Variants in AKAP6 observed in about 807,000 individuals in gnomAD.
AKAP6 encodes A-kinase anchor protein 6.
AKAP6 carries 58 observed loss-of-function variants against 188.5 expected under a neutral mutation model. The observed-to-expected ratio is 0.31, with a 90% CI of 0.25 to 0.38. The LOEUF (loss-of-function observed/expected upper bound fraction) is 0.38, where lower values mean the gene tolerates loss of function less well. Among genes scored for constraint, AKAP6 ranks in the 10% least tolerant of loss-of-function variants. The pLI, the probability that AKAP6 is intolerant of heterozygous loss-of-function variation, is 1.00. For synonymous variants in AKAP6, 989 were observed against 998.6 expected, an observed-to-expected ratio of 0.99 and a Z score of 0.18; for missense variants, 2,710 against 2,740.0, an observed-to-expected ratio of 0.99 and a Z score of 0.24.
chr14:32,498,589 T>C (rs932711468), intron 2 of AKAP6, among the ~76,000 whole-genome samples: 1 of 152,156 alleles, frequency 6.6e-6, no homozygotes, highest in Non-Finnish European at 1.5e-5. Context: ...TGTTCATTAA[T>C]CCACCAGTTT....
intron 1 of AKAP6, among the ~76,000 whole-genome samples, chr14:32,334,124 C>T (rs1291715827): frequency 6.6e-6 from 1 of 152,128 alleles, no homozygotes; most frequent in Non-Finnish European, 1.5e-5. Flanking sequence ...AATAGCAATC[C>T]ATATAGGACT....
At chr14:32,610,255 C>T (rs1886299815) in intron 7 of AKAP6, among the ~76,000 whole-genome samples, 2 of 152,254 alleles carry the variant, frequency 1.3e-5, no homozygotes, top group East Asian at 3.9e-4. Flanking sequence ...AAAGGACAAA[C>T]TTCTTAGCCC....
At chr14:32,419,223 A>G (rs879106517) in intron 1 of AKAP6, among the ~76,000 whole-genome samples, 5 of 152,166 alleles carry the variant, frequency 3.3e-5, no homozygotes, top group Admixed American at 3.3e-4. Context: ...CAGAGGGAGG[A>G]TCTCTGATCA....
At chr14:32,811,041 C>A (rs530256548) in intron 12 of AKAP6, among the ~76,000 whole-genome samples, 45 of 151,902 alleles carry the variant, frequency 3.0e-4, no homozygotes, top group African/African-American at 1.1e-3. Context: ...AGATCGAGAC[C>A]ATCCTGGCTA....
At chr14:32,789,980 C>T (rs778296420) in intron 12 of AKAP6, among the ~76,000 whole-genome samples, 2 of 152,152 alleles carry the variant, frequency 1.3e-5, no homozygotes, top group Admixed American at 6.5e-5. Flanking sequence ...CACGACAAAA[C>T]AGTACAGGAG....
chr14:32,515,590 G>T (rs1881480728), intron 2 of AKAP6, among the ~76,000 whole-genome samples: 1 of 152,094 alleles, frequency 6.6e-6, no homozygotes, highest in Non-Finnish European at 1.5e-5. Context: ...TGAGAGTACA[G>T]GTCACCCATC....
intron 12 of AKAP6, among the ~76,000 whole-genome samples, chr14:32,789,503 C>T (rs1411413105): frequency 1.3e-5 from 2 of 152,152 alleles, no homozygotes; most frequent in South Asian, 2.1e-4. Context: ...CCTACTGGAA[C>T]GGAGCTTCCA....
At chr14:32,611,999 T>A (rs1265465968) in intron 7 of AKAP6, among the ~76,000 whole-genome samples, 1 of 152,026 alleles carries the variant, frequency 6.6e-6, no homozygotes, top group East Asian at 1.9e-4. Flanking sequence ...ATGAGATTAG[T>A]CAGTGGAGCA....
At chr14:32,647,872 A>G (rs1294254629) in intron 7 of AKAP6, among the ~76,000 whole-genome samples, 1 of 152,104 alleles carries the variant, frequency 6.6e-6, no homozygotes, top group Non-Finnish European at 1.5e-5. Context: ...TAATCAAACA[A>G]TTCAAAGTAT....
At chr14:32,585,043 TC>T (rs67607415) in intron 5 of AKAP6, among the ~76,000 whole-genome samples, 6 of 151,506 alleles carry the variant, frequency 4.0e-5, no homozygotes, top group South Asian at 2.1e-4. Flanking sequence ...TTTTTTTTTT[TC>T]CCCTTTAAGA....
intron 2 of AKAP6, among the ~76,000 whole-genome samples, chr14:32,435,237 A>T (rs1227575430): frequency 6.6e-6 from 1 of 152,178 alleles, no homozygotes; most frequent in Non-Finnish European, 1.5e-5. Context: ...GGTTAGGTTT[A>T]TAAGGAAAGT....
At chr14:32,719,808 T>C (rs1238082685) in intron 9 of AKAP6, among the ~76,000 whole-genome samples, 2 of 152,170 alleles carry the variant, frequency 1.3e-5, no homozygotes, top group East Asian at 3.9e-4. Flanking sequence ...TTGAAAAGCC[T>C]GAATTTCCAA....
intron 1 of AKAP6, among the ~76,000 whole-genome samples, chr14:32,358,303 CTT>C (rs1446220561): frequency 6.6e-6 from 1 of 152,202 alleles, no homozygotes; most frequent in Admixed American, 6.5e-5. Context: ...GTCTTTGCCA[CTT>C]CTTACACTTG....
intron 4 of AKAP6, among the ~76,000 whole-genome samples, chr14:32,548,545 GATA>G: frequency 6.7e-6 from 1 of 150,108 alleles, no homozygotes. Context: ...TAGATAGATA[GATA>G]GATAGATAGA....
At chr14:32,582,743 C>G (rs1255622980) in intron 5 of AKAP6, among the ~76,000 whole-genome samples, 3 of 152,158 alleles carry the variant, frequency 2.0e-5, no homozygotes, top group Admixed American at 2.0e-4. Context: ...TTCATTTCAT[C>G]TTCCATCACT....
chr14:32,545,253 A>C lies in AKAP6; in HGVS notation c.600A>C (p.Glu200Asp), dbSNP rs768128356. The change falls in exon 4 of 14, where the codon GAA becomes GAC. Residue 200 changes from glutamate to aspartate, a missense_variant. By Grantham distance (45) the Glu-to-Asp change is conservative. Transcript: ENST00000280979. Reference protein sequence around the residue: ...TKEGRLDSLTEVDDSGQLTIK... With the variant: ...TKEGRLDSLTDVDDSGQLTIK... ...AGGGCCGGCTTGATTCTCTAACAGA[A>C]GTGGATGACTCAGGACAATTAACCA... 6.2e-7 allele frequency: 1 copy of C among 1,613,380 alleles called. No homozygotes were observed. Among genetic ancestry groups the C allele is most frequent in the African/African-American group, 1.3e-5 (1 of 74,906 alleles).
chr14:32,537,274 T>C (rs1482939418), intron 3 of AKAP6, among the ~76,000 whole-genome samples: 1 of 152,218 alleles, frequency 6.6e-6, no homozygotes, highest in African/African-American at 2.4e-5. Flanking sequence ...GCTCTCCTTG[T>C]TACTGTGGCA....
intron 3 of AKAP6, among the ~76,000 whole-genome samples, chr14:32,544,451 C>G (rs74041632): frequency 0.057 from 8,659 of 152,180 alleles, 264 homozygotes; most frequent in African/African-American, 0.078. Context: ...AATCGTAATG[C>G]TGTTTTTTTA....
chr14:32,562,283 C>G (rs1389009795), intron 4 of AKAP6, among the ~76,000 whole-genome samples: 7 of 152,122 alleles, frequency 4.6e-5, no homozygotes, highest in Non-Finnish European at 1.0e-4. Flanking sequence ...GAGACTAGTA[C>G]TACTTGCTTG....
Sources: gnomAD v4.1 joint callset for allele counts (sites outside exome capture counted in the v4.1 genomes callset) on GRCh38, gnomAD v4.1.1 for gene constraint, MANE v1.5 for transcripts, NCBI Gene and HGNC (gene_info 2026-07-23, HGNC 2026-07-21) for gene names.